MGA: variants seen among roughly 807,000 people sequenced by gnomAD.
The protein encoded by MGA is MAX gene-associated protein.
Under a neutral mutation model 261.1 loss-of-function variants are expected in MGA, and 40 were observed. That is an observed-to-expected ratio of 0.15 (90% confidence interval 0.12 to 0.20). MGA has a LOEUF of 0.20. MGA is among the 10% of genes least tolerant of loss of function. The probability of loss-of-function intolerance (pLI) is 1.00; values close to 1 mark genes in which losing one functional copy is unlikely to be tolerated. For synonymous variants in MGA, 1,302 were observed against 1,290.6 expected, an observed-to-expected ratio of 1.01 and a Z score of -0.19; for missense variants, 3,397 against 3,630.5, an observed-to-expected ratio of 0.94 and a Z score of 1.65.
At chr15:41,728,544 G>C (rs1023501276) in intron 10 of MGA, among the ~76,000 whole-genome samples, 1 of 152,092 alleles carries the variant, frequency 6.6e-6, no homozygotes, top group Non-Finnish European at 1.5e-5. Flanking sequence ...CTATAGAAAA[G>C]AAAATGTTAC....
intron 2 of MGA, among the ~76,000 whole-genome samples, chr15:41,672,622 G>C (rs548123460): frequency 1.3e-5 from 2 of 152,230 alleles, no homozygotes; most frequent in Non-Finnish European, 1.5e-5. Flanking sequence ...TTATCTTTGT[G>C]TGTGAAAATG....
chr15:41,765,117 C>CA (rs749673257), intron 23 of MGA, 55 bp downstream of exon 23: 1 of 1,571,256 alleles, frequency 6.4e-7, no homozygotes. Context: ...CCTAACATCT[C>CA]ACGGTGACCA....
At chr15:41,705,363 CT>C (rs879850885) in intron 5 of MGA, among the ~76,000 whole-genome samples, 47 of 145,742 alleles carry the variant, frequency 3.2e-4, no homozygotes, top group South Asian at 4.3e-4. Flanking sequence ...TTCTTGAGGT[CT>C]TTTTTTTTTT....
Position 41,765,002 on chromosome 15 carries a change from C to T in MGA, c.7861C>T (p.Pro2621Ser). ...CTCAGGACCAGTGGTAGCTGTTTCT[C>T]CTGATCTCTTAGAATCTGATCTTAA... Residue 2621 changes from proline (P) to serine (S), a missense_variant, in exon 23 of 24, where the codon CCT (proline) becomes TCT (serine). Around this residue, in one of 9 missense-constraint regions of MGA, gnomAD observed 647 missense variants for 642.4 expected, o/e 1.01. Transcript: ENST00000219905. 6.2e-7 allele frequency: 1 copy of T among 1,614,060 alleles called. No individual in the cohort carries two copies. The highest frequency in any genetic ancestry group is 1.1e-5 in the South Asian group (1 of 91,090).
chr15:41,732,709 A>G (rs565048522), intron 11 of MGA, among the ~76,000 whole-genome samples: 249 of 152,312 alleles, frequency 1.6e-3, no homozygotes, highest in African/African-American at 5.6e-3. Flanking sequence ...GGTACATTAT[A>G]AGTACCCTGT....
intron 1 of MGA, among the ~76,000 whole-genome samples, chr15:41,624,311 G>A (rs1209713523): frequency 2.6e-5 from 4 of 151,740 alleles, no homozygotes; most frequent in African/African-American, 9.7e-5. Context: ...ACAGTGGTGC[G>A]ATCTCAGCTC....
chr15:41,656,642 T>C (rs1287973049), upstream of MGA, among the ~76,000 whole-genome samples: 1 of 152,082 alleles, frequency 6.6e-6, no homozygotes, highest in East Asian at 1.9e-4. Flanking sequence ...ATTACAGGCA[T>C]GAGCCAGTGG....
chr15:41,726,909 G>A (rs116779134), intron 9 of MGA, among the ~76,000 whole-genome samples: 11 of 152,134 alleles, frequency 7.2e-5, no homozygotes, highest in African/African-American at 2.7e-4. Context: ...AACTCTGAGG[G>A]CAAGAACTTT....
intron 17 of MGA, among the ~76,000 whole-genome samples, chr15:41,754,001 C>G (rs2063001058): frequency 6.6e-6 from 1 of 152,086 alleles, no homozygotes; most frequent in Admixed American, 6.5e-5. Flanking sequence ...TCACTGCAGC[C>G]TCGAACTCCT....
intron 3 of MGA, 27 bp downstream of exon 3, chr15:41,697,050 T>C: frequency 6.8e-7 from 1 of 1,460,846 alleles, no homozygotes; most frequent in Non-Finnish European, 9.1e-7. Flanking sequence ...CAGGATTCTT[T>C]AAGGCTAATT....
intron 1 of MGA, among the ~76,000 whole-genome samples, chr15:41,631,328 TAAG>T (rs1043228765): frequency 2.6e-5 from 4 of 152,158 alleles, no homozygotes; most frequent in African/African-American, 9.7e-5. Context: ...AAGCCATATA[TAAG>T]AAGAGTTCTC....
intron 15 of MGA, among the ~76,000 whole-genome samples, chr15:41,746,179 A>C (rs909852097): frequency 6.6e-6 from 1 of 152,144 alleles, no homozygotes; most frequent in Admixed American, 6.5e-5. Context: ...ATCACTCTCT[A>C]AAAGTTAATT....
At chr15:41,746,599 A>G (rs2062498779) in intron 15 of MGA, among the ~76,000 whole-genome samples, 1 of 151,356 alleles carries the variant, frequency 6.6e-6, no homozygotes, top group Admixed American at 6.6e-5. Flanking sequence ...TAAATTGCAC[A>G]TGATTATTTT....
At chr15:41,635,518 C>T (rs557034392) in intron 1 of MGA, among the ~76,000 whole-genome samples, 1 of 151,696 alleles carries the variant, frequency 6.6e-6, no homozygotes, top group Non-Finnish European at 1.5e-5. Context: ...TAGTGAGACC[C>T]CCCCCCTCCT....
chr15:41,694,861 C>A (rs1013717833), intron 2 of MGA, among the ~76,000 whole-genome samples: 2 of 152,138 alleles, frequency 1.3e-5, no homozygotes, highest in African/African-American at 4.8e-5. Context: ...GCCTCGAACT[C>A]CTGGGCACAA....
intron 9 of MGA, among the ~76,000 whole-genome samples, chr15:41,714,062 C>T (rs898856100): frequency 2.2e-4 from 33 of 151,858 alleles, no homozygotes; most frequent in African/African-American, 7.5e-4. Context: ...TTTTTCGTTT[C>T]TGTTATATCT....
At chr15:41,736,865 C>A (rs2061805687) in intron 13 of MGA, among the ~76,000 whole-genome samples, 167 bp downstream of exon 13, 2 of 152,126 alleles carry the variant, frequency 1.3e-5, no homozygotes, top group African/African-American at 4.8e-5. Context: ...TAGATGCATA[C>A]CTAGAGTGAA....
Position 41,696,981 on chromosome 15 carries a change from G to C in MGA, c.1971G>C (p.Leu657=), listed in dbSNP as rs780245502. The C allele has an allele frequency of 6.3e-7, 1 of 1,591,834 alleles. No individual in the cohort carries two copies. Among genetic ancestry groups the C allele is most frequent in the Non-Finnish European group, 8.5e-7 (1 of 1,170,184 alleles). ...CCTTTCCAGATGTGAAGCCTGATCT[G>C]GAAGATGTGGATGGTGTTCTCTTTG... The change falls in exon 3 of 24, where the codon CTG becomes CTC. Residue 657 remains leucine, a synonymous_variant. Transcript: ENST00000219905.
chr15:41,764,754 G>A, intron 22 of MGA, 132 bp from the exon 23 acceptor site: 1 of 856,440 alleles, frequency 1.2e-6, no homozygotes, highest in Non-Finnish European at 1.8e-6. Context: ...ATGTTTCCCA[G>A]GCTGGTCTTG....
Sources: allele counts gnomAD v4.1 joint callset (sites outside exome capture counted in the v4.1 genomes callset), GRCh38; gene constraint gnomAD v4.1.1; regional missense constraint gnomAD v4.1.1; transcripts MANE v1.5; gene names NCBI Gene and HGNC (gene_info 2026-07-23, HGNC 2026-07-21).